Variants in CPO observed in about 807,000 individuals in gnomAD.
CPO encodes the protein carboxypeptidase O.
In CPO, 43 loss-of-function variants were observed where a neutral mutation model predicts 41.2. That is an observed-to-expected ratio of 1.04 (90% confidence interval 0.82 to 1.35). The LOEUF (loss-of-function observed/expected upper bound fraction) is 1.35. Among genes scored for constraint, CPO ranks in the 40% most tolerant of loss-of-function variants. The pLI, the probability that CPO is intolerant of heterozygous loss-of-function variation, is 0.00. For synonymous variants in CPO, 178 were observed against 162.7 expected (o/e 1.09, Z -0.72); for missense variants, 408 against 451.7 (o/e 0.90, Z 0.88).
intron 1 of CPO, 72 bp downstream of exon 1, chr2:206,939,739 G>T: frequency 7.6e-7 from 1 of 1,322,006 alleles, no homozygotes; most frequent in South Asian, 1.2e-5. Context: ...TTCTTTTTAA[G>T]ACCAATGCAG....
At chr2:206,946,516 A>G (rs998061971) in intron 1 of CPO, among the ~76,000 whole-genome samples, 11 of 152,216 alleles carry the variant, frequency 7.2e-5, no homozygotes, top group Admixed American at 5.9e-4. Context: ...ATTATACTTA[A>G]TGATGAGAAA....
chr2:206,952,249 A>T (rs575282336), intron 2 of CPO, among the ~76,000 whole-genome samples: 1 of 152,122 alleles, frequency 6.6e-6, no homozygotes, highest in African/African-American at 2.4e-5. Context: ...AGTAGCTGAG[A>T]TTACAGGCAC....
intron 3 of CPO, among the ~76,000 whole-genome samples, chr2:206,957,033 G>A (rs1693380954): frequency 6.6e-6 from 1 of 152,132 alleles, no homozygotes; most frequent in Admixed American, 6.5e-5. Flanking sequence ...ATAAAGAGTT[G>A]ATAAAGATAA....
At chr2:206,952,790 A>G (rs1291732935) in intron 2 of CPO, among the ~76,000 whole-genome samples, 1 of 152,198 alleles carries the variant, frequency 6.6e-6, no homozygotes, top group Non-Finnish European at 1.5e-5. Context: ...CTGTAAGGAC[A>G]TACCCGAGAC....
intron 7 of CPO, among the ~76,000 whole-genome samples, 170 bp from the exon 8 acceptor site, chr2:206,968,091 TAA>T (rs1228604697): frequency 1.3e-5 from 2 of 152,260 alleles, no homozygotes; most frequent in East Asian, 1.9e-4. Flanking sequence ...TGAAACTGGA[TAA>T]AGTGTGCTGA....
chr2:206,943,751 TA>T (rs1363879370), intron 1 of CPO, among the ~76,000 whole-genome samples: 3 of 150,932 alleles, frequency 2.0e-5, no homozygotes, highest in Non-Finnish European at 4.4e-5. Context: ...GATAGATAGA[TA>T]GATAGATAGA....
intron 7 of CPO, among the ~76,000 whole-genome samples, chr2:206,964,328 T>C (rs988263319): frequency 1.3e-5 from 2 of 152,220 alleles, no homozygotes; most frequent in African/African-American, 4.8e-5. Flanking sequence ...TTTTGTAACA[T>C]GTGGAAATAA....
In CPO at chr2:206,955,477, G is replaced by A. The variant is rs1342732837; in HGVS notation, c.180G>A (p.Met60Ile). 3 of 1,607,730 alleles carry A rather than the reference G, an allele frequency of 1.9e-6. No homozygotes were observed. Among genetic ancestry groups the A allele is most frequent in the South Asian group, 2.2e-5 (2 of 90,940 alleles). ...YHPMGEIYEW[M>I]REISEKYKEV... ...TGCTGTTTCAGATCTATGAGTGGATGAGAGAGATCAGTGAGAAGTACAAGG... is the reference window on the plus strand; with the variant it reads ...TGCTGTTTCAGATCTATGAGTGGATAAGAGAGATCAGTGAGAAGTACAAGG... Residue 60 changes from methionine to isoleucine, a missense_variant, in exon 3 of 9, where the codon ATG becomes ATA. By Grantham distance (10) the Met-to-Ile change is conservative. Transcript: ENST00000272852.
chr2:206,955,890 AGTT>A (rs950913806), intron 3 of CPO, among the ~76,000 whole-genome samples: 15 of 152,192 alleles, frequency 9.9e-5, no homozygotes, highest in Non-Finnish European at 2.1e-4. Context: ...CTGTATTTTA[AGTT>A]GTTATTTTGT....
chr2:206,968,572 A>G (rs1157737160), intron 8 of CPO, among the ~76,000 whole-genome samples: 4 of 152,258 alleles, frequency 2.6e-5, no homozygotes, highest in Non-Finnish European at 5.9e-5. Context: ...GCGTTGGCTC[A>G]GACCAGAACT....
intron 1 of CPO, 102 bp from the exon 2 acceptor site, chr2:206,949,515 G>A: frequency 1.3e-6 from 1 of 782,786 alleles, no homozygotes; most frequent in Non-Finnish European, 2.2e-6. Context: ...TGTCCTCCAA[G>A]TCCTGTGCAC....
chr2:206,939,820 T>G (rs1029528243), intron 1 of CPO, among the ~76,000 whole-genome samples, 153 bp downstream of exon 1: 1 of 152,106 alleles, frequency 6.6e-6, no homozygotes, highest in Non-Finnish European at 1.5e-5. Context: ...CTGAAATTTA[T>G]CACTGAATAA....
chr2:206,955,322 T>G (rs998621057), intron 2 of CPO, 141 bp from the exon 3 acceptor site: 3 of 652,104 alleles, frequency 4.6e-6, no homozygotes, highest in Non-Finnish European at 8.4e-6. Context: ...GGTTGTTTTC[T>G]GTTTCTTTTA....
chr2:206,948,581 C>T (rs1693191796), intron 1 of CPO, among the ~76,000 whole-genome samples: 1 of 152,062 alleles, frequency 6.6e-6, no homozygotes, highest in Non-Finnish European at 1.5e-5. Context: ...CTGAGCAACA[C>T]AGTGAGACCT....
chr2:206,943,674 TGATAGATA>T (rs71987761), intron 1 of CPO, among the ~76,000 whole-genome samples: 4,736 of 106,248 alleles, frequency 0.045, 108 homozygotes, highest in South Asian at 0.071. Context: ...GATAGATAGA[TGATAGATA>T]GATAGATAGA....
chr2:206,965,263 G>A (rs1004276015), intron 7 of CPO, among the ~76,000 whole-genome samples: 10 of 152,066 alleles, frequency 6.6e-5, no homozygotes, highest in Admixed American at 3.3e-4. Flanking sequence ...ACTACCACAC[G>A]TCTACCTCAT....
intron 1 of CPO, among the ~76,000 whole-genome samples, chr2:206,948,811 C>T (rs182170608): frequency 6.6e-6 from 1 of 152,116 alleles, no homozygotes; most frequent in Admixed American, 6.5e-5. Context: ...AAATATGTGT[C>T]ACCAAACATA....
At chr2:206,948,006 A>G (rs1175582893) in intron 1 of CPO, among the ~76,000 whole-genome samples, 3 of 152,224 alleles carry the variant, frequency 2.0e-5, no homozygotes, top group Non-Finnish European at 2.9e-5. Flanking sequence ...CCACTTTGGA[A>G]GACAGTTTGG....
chr2:206,947,188 G>A (rs972016629), intron 1 of CPO, among the ~76,000 whole-genome samples: 1 of 152,128 alleles, frequency 6.6e-6, no homozygotes. Context: ...TAAAGCTACA[G>A]TAATCAAGAC....
Sources: gnomAD v4.1 joint callset for allele counts (sites outside exome capture counted in the v4.1 genomes callset) on GRCh38, gnomAD v4.1.1 for gene constraint, MANE v1.5 for transcripts, NCBI Gene and HGNC (gene_info 2026-07-23, HGNC 2026-07-21) for gene names.